ZBTB46: variants seen among roughly 807,000 people sequenced by gnomAD.
ZBTB46 encodes the protein zinc finger and BTB domain containing 46, also known as zinc finger and BTB domain-containing protein 46.
ZBTB46 carries 8 observed loss-of-function variants against 44.1 expected under a neutral mutation model. The observed-to-expected ratio is 0.18, with a 90% CI of 0.11 to 0.33. ZBTB46 has a LOEUF of 0.33. Ranked by LOEUF, ZBTB46 falls within the 10% of genes least tolerant of loss-of-function variation. ZBTB46 has a pLI of 1.00. For missense variants in ZBTB46, 651 were observed against 847.7 expected, an observed-to-expected ratio of 0.77 and a Z score of 2.88; for synonymous variants, 409 against 382.3, an observed-to-expected ratio of 1.07 and a Z score of -0.81.
At chr20:63,788,599 G>A (rs1243284155) in intron 2 of ZBTB46, among the ~76,000 whole-genome samples, 1 of 152,078 alleles carries the variant, frequency 6.6e-6, no homozygotes, top group African/African-American at 2.4e-5. Context: ...AGCACTTTGG[G>A]AGGCTGAGGT....
At position 63,747,044 on chromosome 20, in the gene ZBTB46, G is replaced by A. The variant is rs141237065; in HGVS notation, c.1656C>T (p.Asp552=). 2.4e-5 allele frequency: 38 copies of A among 1,608,040 alleles called. No individual in the cohort carries two copies. The highest frequency in any genetic ancestry group is 4.0e-5 in the African/African-American group (3 of 74,894). The change falls in exon 5 of 5, where the codon GAC becomes GAT. Residue 552 remains aspartate (D), a synonymous_variant. Transcript: ENST00000245663. Reference sequence around the variant, plus strand: ...GCGCATCCTCAGGGGCCAGGCCCTCGTCGTCCTCGCCCAGCTCCTCCGCCT... The same window carrying A: ...GCGCATCCTCAGGGGCCAGGCCCTCATCGTCCTCGCCCAGCTCCTCCGCCT... ...RGEAEELGED[D]EGLAPEDALL...
intron 1 of ZBTB46, among the ~76,000 whole-genome samples, chr20:63,827,206 A>G (rs913407532): frequency 9.2e-5 from 14 of 152,216 alleles, no homozygotes; most frequent in Non-Finnish European, 1.8e-4. Context: ...CTTTGTCACC[A>G]ACCTGGCCCA....
intron 1 of ZBTB46, among the ~76,000 whole-genome samples, chr20:63,814,560 G>GA (rs1482359228): frequency 1.3e-5 from 2 of 152,120 alleles, no homozygotes; most frequent in Non-Finnish European, 2.9e-5. Flanking sequence ...TCTGCAGGGG[G>GA]AGAGAACCCC....
rs1017911079 is a variant in ZBTB46 at position 63,787,037 on chromosome 20, A to G, written c.937+2784T>C. On this transcript the variant is annotated intron_variant, in intron 2 of 4. Coordinates refer to ENST00000245663, the MANE Select transcript of ZBTB46 (RefSeq NM_001369741.1). The surrounding 1 kb of genome is among the most constrained non-coding windows in gnomAD (Gnocchi z 4.6). The stretch of plus-strand genomic sequence containing the variant: ...ACAGATGAGAATGAATAAAATCTAC[A>G]TTGTGTCAAAGTAGAACAGCATTTA... 6.6e-6 allele frequency among the ~76,000 whole-genome samples: 1 copy of G among 152,176 alleles called. No homozygotes were observed. The highest frequency in any genetic ancestry group is 2.4e-5 in the African/African-American group (1 of 41,440).
intron 1 of ZBTB46, among the ~76,000 whole-genome samples, chr20:63,810,021 G>A (rs1301767921): frequency 6.6e-6 from 1 of 152,022 alleles, no homozygotes; most frequent in Admixed American, 6.6e-5. Context: ...TTAACGTAAT[G>A]TCAATTACAA....
intron 3 of ZBTB46, among the ~76,000 whole-genome samples, chr20:63,756,334 G>A (rs138778871): frequency 6.9e-4 from 105 of 152,346 alleles, no homozygotes; most frequent in African/African-American, 2.4e-3. Context: ...GCAGACAGGG[G>A]ACAAGGCATC....
chr20:63,833,758 G>A (rs575391753), upstream of ZBTB46, among the ~76,000 whole-genome samples: 103 of 152,296 alleles, frequency 6.8e-4, no homozygotes, highest in South Asian at 4.8e-3. Flanking sequence ...CCAACAGAAG[G>A]TCAAGCAGCC....
intron 2 of ZBTB46, among the ~76,000 whole-genome samples, chr20:63,786,256 C>T (rs1247858730): frequency 2.0e-5 from 3 of 152,208 alleles, no homozygotes; most frequent in Non-Finnish European, 4.4e-5. Context: ...GCCACTGGCC[C>T]TGACCTGCTG....
rs2092064757 is a variant in ZBTB46 at position 63,744,148 on chromosome 20, A to AAG, written c.*2780_*2781dup. On this transcript the variant is annotated 3_prime_UTR_variant, in exon 5 of 5. Coordinates refer to ENST00000245663, the MANE Select transcript of ZBTB46 (RefSeq NM_001369741.1). ...CACCACCATTAAGTATGGCTTTCTT[A>AAG]AGAGTCGCACATGTCACAGAATGAG... is the stretch of plus-strand genomic sequence containing the variant. 1 of 152,296 alleles carries AAG rather than the reference A, an allele frequency of 6.6e-6. No individual in the cohort carries two copies. Among genetic ancestry groups the AAG allele is most frequent in the Admixed American group, 6.5e-5 (1 of 15,280 alleles). The allele number at this position is 152,296 out of a possible 1,614,324, so 9.4% of individuals were successfully genotyped here.
At chr20:63,793,573 TA>T (rs1455240794) in intron 1 of ZBTB46, among the ~76,000 whole-genome samples, 1 of 150,278 alleles carries the variant, frequency 6.7e-6, no homozygotes, top group African/African-American at 2.5e-5. Context: ...CCTACGTGAA[TA>T]AAACGTCTCT....
chr20:63,793,166 C>T (rs772547308), intron 1 of ZBTB46, among the ~76,000 whole-genome samples: 2 of 152,232 alleles, frequency 1.3e-5, no homozygotes, highest in African/African-American at 4.8e-5. Context: ...AGAACAAAGG[C>T]CCCATCCCGC....
At position 63,831,109 on chromosome 20, in the gene ZBTB46, G is replaced by A. The variant is rs2092848784; in HGVS notation, c.-46C>T. ...CGGCGCCGCTTACCTGTGACCCCAT[G>A]GGGCGCGGGCGAGGGCGGGCGCCGC... On this transcript the variant is annotated 5_prime_UTR_variant, in exon 1 of 5. Transcript: ENST00000245663. 1 of 142,304 alleles carries A rather than the reference G, an allele frequency of 7.0e-6. No homozygotes were observed. Among genetic ancestry groups the A allele is most frequent in the Non-Finnish European group, 1.6e-5 (1 of 64,252 alleles). The allele number at this position is 142,304 out of a possible 1,614,324, so 8.8% of individuals were successfully genotyped here.
intron 4 of ZBTB46, among the ~76,000 whole-genome samples, chr20:63,748,364 G>T (rs2092125567): frequency 6.6e-6 from 1 of 152,230 alleles, no homozygotes; most frequent in African/African-American, 2.4e-5. Flanking sequence ...ACCACACACT[G>T]CTGGGGACAT....
chr20:63,758,795 G>A (rs193206958), intron 3 of ZBTB46, among the ~76,000 whole-genome samples: 10 of 149,604 alleles, frequency 6.7e-5, no homozygotes, highest in East Asian at 5.9e-4. Context: ...GCAGTGGTGC[G>A]ATCTCAGCTC....
intron 1 of ZBTB46, among the ~76,000 whole-genome samples, chr20:63,802,585 C>T (rs887780184): frequency 4.6e-5 from 7 of 151,830 alleles, no homozygotes; most frequent in African/African-American, 1.7e-4. Flanking sequence ...TCCCAGAAAC[C>T]GCGGCGGGCC....
intron 1 of ZBTB46, among the ~76,000 whole-genome samples, chr20:63,791,781 G>C (rs2092563036): frequency 6.6e-6 from 1 of 152,184 alleles, no homozygotes; most frequent in African/African-American, 2.4e-5. Context: ...CAGAGTCACA[G>C]GACACACAGA....
intron 3 of ZBTB46, among the ~76,000 whole-genome samples, chr20:63,761,101 C>A (rs1474451720): frequency 6.8e-6 from 1 of 147,508 alleles, no homozygotes; most frequent in Non-Finnish European, 1.5e-5. Context: ...CAGGTTCAAG[C>A]AATTCTCCTG....
chr20:63,796,681 A>G (rs563672281), intron 1 of ZBTB46, among the ~76,000 whole-genome samples: 10 of 152,114 alleles, frequency 6.6e-5, no homozygotes, highest in Non-Finnish European at 1.3e-4. Flanking sequence ...AAAAATTAGC[A>G]GGACGTGATG....
intron 2 of ZBTB46, among the ~76,000 whole-genome samples, chr20:63,776,803 CA>C (rs35399406): frequency 6.2e-4 from 82 of 131,854 alleles, no homozygotes; most frequent in Middle Eastern, 4.0e-3. Flanking sequence ...CGCTCTGTCT[CA>C]AAAAAAAAAA....
Sources: gnomAD v4.1 joint callset for allele counts (sites outside exome capture counted in the v4.1 genomes callset) on GRCh38, gnomAD v4.1.1 for gene constraint, Gnocchi (gnomAD v3.1) non-coding constraint, MANE v1.5 for transcripts, NCBI Gene and HGNC (gene_info 2026-07-23, HGNC 2026-07-21) for gene names.